Variants in HS3ST2 observed in about 807,000 individuals in gnomAD.
HS3ST2 encodes heparan sulfate glucosamine 3-O-sulfotransferase 2.
Under a neutral mutation model 26.3 loss-of-function variants are expected in HS3ST2, and 17 were observed. That is an observed-to-expected ratio of 0.65 (90% CI 0.44 to 0.97). The LOEUF (loss-of-function observed/expected upper bound fraction) is 0.97. Ranked by LOEUF, HS3ST2 falls within the 50% of genes least tolerant of loss-of-function variation. The pLI, the probability that HS3ST2 is intolerant of heterozygous loss-of-function variation, is 0.00. For missense variants in HS3ST2, 402 were observed against 501.2 expected (o/e 0.80, Z 1.89); for synonymous variants, 237 against 219.2 (o/e 1.08, Z -0.72).
chr16:22,820,749 C>T (rs1468399157), intron 1 of HS3ST2, among the ~76,000 whole-genome samples: 2 of 152,370 alleles, frequency 1.3e-5, no homozygotes, highest in African/African-American at 4.8e-5. Flanking sequence ...AACCCTATCA[C>T]TTGTTACAGG....
At chr16:22,890,044 G>T (rs891363818) in intron 1 of HS3ST2, among the ~76,000 whole-genome samples, 2 of 152,070 alleles carry the variant, frequency 1.3e-5, no homozygotes, top group Non-Finnish European at 2.9e-5. Flanking sequence ...GCATAATAAG[G>T]AAAAACCCAT....
chr16:22,827,641 G>A (rs911988644), intron 1 of HS3ST2, among the ~76,000 whole-genome samples: 1 of 151,884 alleles, frequency 6.6e-6, no homozygotes, highest in African/African-American at 2.4e-5. Flanking sequence ...CAGTGTTGCT[G>A]CTGAGGTTGA....
chr16:22,825,321 TGTTA>T, intron 1 of HS3ST2, among the ~76,000 whole-genome samples: 1 of 152,198 alleles, frequency 6.6e-6, no homozygotes, highest in African/African-American at 2.4e-5. Flanking sequence ...ATTAAAAGCC[TGTTA>T]GTTGTCATTA....
At chr16:22,885,356 A>G (rs913325224) in intron 1 of HS3ST2, among the ~76,000 whole-genome samples, 1 of 152,064 alleles carries the variant, frequency 6.6e-6, no homozygotes, top group African/African-American at 2.4e-5. Context: ...GAAGAACAGA[A>G]TTTTGAACTT....
intron 1 of HS3ST2, among the ~76,000 whole-genome samples, chr16:22,818,467 T>C (rs1298268275): frequency 6.6e-6 from 1 of 152,224 alleles, no homozygotes; most frequent in Non-Finnish European, 1.5e-5. Flanking sequence ...CTGTTATTGC[T>C]ACTAATTACT....
At chr16:22,832,434 G>A (rs1901185241) in intron 1 of HS3ST2, among the ~76,000 whole-genome samples, 1 of 151,972 alleles carries the variant, frequency 6.6e-6, no homozygotes, top group South Asian at 2.1e-4. Context: ...ACATTTTGGG[G>A]GTTCACAAGC....
chr16:22,820,735 G>A (rs1399713831), intron 1 of HS3ST2, among the ~76,000 whole-genome samples: 2 of 152,256 alleles, frequency 1.3e-5, no homozygotes, highest in Non-Finnish European at 2.9e-5. Flanking sequence ...TGGGGACACA[G>A]CCAAACCCTA....
In HS3ST2 at chr16:22,814,795, G is replaced by C. The variant is rs766243617; in HGVS notation, c.185G>C (p.Gly62Ala). 23 of 1,591,642 alleles carry C rather than the reference G, an allele frequency of 1.4e-5. No individual in the cohort carries two copies. Among genetic ancestry groups the C allele is most frequent in the Non-Finnish European group, 1.9e-5 (22 of 1,170,794 alleles). ...CGCTGCCTCCGCGGCCCCAGCGCGG[G>C]CGGCCAGAAACTTCTCCAGAAGTCC... ...APRCLRGPSA[G>A]GQKLLQKSRP... The change falls in exon 1 of 2, where the codon GGC becomes GCC. Residue 62 changes from glycine to alanine, a missense_variant. Transcript: ENST00000261374.
In HS3ST2 at chr16:22,916,207, C is replaced by T. The variant is rs1187491727; in HGVS notation, c.*645C>T. The T allele has an allele frequency of 1.3e-5, 2 of 152,850 alleles. No individual in the cohort carries two copies. The highest frequency in any genetic ancestry group is 4.8e-5 in the African/African-American group (2 of 41,466). 9.5% of individuals were successfully genotyped at this position (152,850 alleles called of 1,614,324 possible). A position where few individuals can be genotyped will look rare whatever the true frequency, so the allele number is the denominator to read the frequency against. On this transcript the variant is annotated 3_prime_UTR_variant, in exon 2 of 2. Coordinates refer to ENST00000261374, the MANE Select transcript of HS3ST2 (RefSeq NM_006043.2). ...TCTCTGAAAACAACTTTGTGATTCT[C>T]CCTGCTCCCTGTGGACAAAAGCACA...
At chr16:22,853,306 T>C (rs1261097975) in intron 1 of HS3ST2, among the ~76,000 whole-genome samples, 2 of 152,248 alleles carry the variant, frequency 1.3e-5, no homozygotes, top group African/African-American at 4.8e-5. Context: ...TCTTACAAGA[T>C]ATGCACATTG....
chr16:22,902,297 T>A (rs183552913), intron 1 of HS3ST2, among the ~76,000 whole-genome samples: 15 of 152,360 alleles, frequency 9.8e-5, no homozygotes, highest in Non-Finnish European at 2.9e-5. Context: ...GTCTTTTTTT[T>A]ATTACAATGT....
chr16:22,822,020 T>A (rs1775708444), intron 1 of HS3ST2, among the ~76,000 whole-genome samples: 1 of 151,774 alleles, frequency 6.6e-6, no homozygotes, highest in Non-Finnish European at 1.5e-5. Flanking sequence ...CCATGAACAC[T>A]CCCCAAGTGA....
chr16:22,868,127 G>T (rs1031694151), intron 1 of HS3ST2, among the ~76,000 whole-genome samples: 13 of 152,108 alleles, frequency 8.5e-5, no homozygotes, highest in African/African-American at 3.1e-4. Flanking sequence ...GGAAAGATAG[G>T]CTGGGCATGG....
intron 1 of HS3ST2, among the ~76,000 whole-genome samples, chr16:22,913,177 A>C (rs1902447064): frequency 1.4e-5 from 1 of 73,280 alleles, no homozygotes; most frequent in Non-Finnish European, 2.9e-5. Context: ...GGAGGGAGGG[A>C]GGGAGGGCGG....
chr16:22,852,749 T>G (rs910695943), intron 1 of HS3ST2, among the ~76,000 whole-genome samples: 14 of 152,210 alleles, frequency 9.2e-5, no homozygotes, highest in African/African-American at 3.1e-4. Context: ...CATTCCAGGC[T>G]TGACTCTCCA....
chr16:22,869,968 G>C (rs571506847), intron 1 of HS3ST2, among the ~76,000 whole-genome samples: 2 of 152,188 alleles, frequency 1.3e-5, no homozygotes, highest in Admixed American at 1.3e-4. Flanking sequence ...CATGTAGATT[G>C]AACACTTACT....
chr16:22,910,192 T>C (rs1596634145), intron 1 of HS3ST2, among the ~76,000 whole-genome samples: 1 of 152,206 alleles, frequency 6.6e-6, no homozygotes, highest in African/African-American at 2.4e-5. Context: ...GAGATGTTAA[T>C]TGGTGCTTCA....
chr16:22,895,731 C>A (rs1012334210), intron 1 of HS3ST2, among the ~76,000 whole-genome samples: 1 of 151,932 alleles, frequency 6.6e-6, no homozygotes, highest in Non-Finnish European at 1.5e-5. Context: ...GCTTTCTTAT[C>A]CCCTGTGTCT....
chr16:22,915,659 T>C lies in HS3ST2; in HGVS notation c.*97T>C. ...TGATCTCCCTCCAACAAACCCTGGC[T>C]CCAGCCCCCTTTCCCAACTTGAGTT... On this transcript the variant is annotated 3_prime_UTR_variant, in exon 2 of 2. Transcript: ENST00000261374. 4 of 1,354,644 alleles carry C rather than the reference T, an allele frequency of 3.0e-6. No homozygotes were observed. The highest frequency in any genetic ancestry group is 4.0e-6 in the Non-Finnish European group (4 of 989,502). The allele number at this position is 1,354,644 out of a possible 1,614,324, so 83.9% of individuals were successfully genotyped here. A position where few individuals can be genotyped will look rare whatever the true frequency, so the allele number is the denominator to read the frequency against.
Sources: allele counts gnomAD v4.1 joint callset (sites outside exome capture counted in the v4.1 genomes callset), GRCh38; gene constraint gnomAD v4.1.1; transcripts MANE v1.5; gene names NCBI Gene and HGNC (gene_info 2026-07-23, HGNC 2026-07-21).